Variants in PHKB observed in about 807,000 individuals in gnomAD.
PHKB encodes phosphorylase kinase regulatory subunit beta, also known as phosphorylase b kinase regulatory subunit beta.
PHKB carries 122 observed loss-of-function variants against 152.1 expected under a neutral mutation model. The ratio of observed to expected loss-of-function variants is 0.80; its 90% CI spans 0.69 to 0.93. The LOEUF is 0.93. Among genes scored for constraint, PHKB ranks in the 40% least tolerant of loss-of-function variants. PHKB has a pLI of 0.00. For missense variants in PHKB, 1,304 were observed against 1,328.4 expected, an observed-to-expected ratio of 0.98 and a Z score of 0.29; for synonymous variants, 436 against 464.9, an observed-to-expected ratio of 0.94 and a Z score of 0.80.
chr16:47,556,422 T>G (rs554336155), intron 7 of PHKB, among the ~76,000 whole-genome samples: 1 of 152,360 alleles, frequency 6.6e-6, no homozygotes, highest in East Asian at 1.9e-4. Flanking sequence ...AGATAGCTCT[T>G]ATTATTTTGA....
intron 1 of PHKB, among the ~76,000 whole-genome samples, chr16:47,481,117 A>G (rs1439331657): frequency 6.6e-6 from 1 of 152,164 alleles, no homozygotes; most frequent in East Asian, 1.9e-4. Context: ...TGTCTCCCAC[A>G]GAGACAGCAT....
At chr16:47,634,999 G>T (rs1045243321) in intron 14 of PHKB, among the ~76,000 whole-genome samples, 1 of 152,130 alleles carries the variant, frequency 6.6e-6, no homozygotes, top group East Asian at 1.9e-4. Flanking sequence ...GCTGTGAATG[G>T]GTGGGATGGG....
chr16:47,514,042 T>C (rs1202579751), intron 5 of PHKB, among the ~76,000 whole-genome samples: 1 of 152,210 alleles, frequency 6.6e-6, no homozygotes, highest in Non-Finnish European at 1.5e-5. Flanking sequence ...CCCCCAGCTC[T>C]AGGCAGCAAC....
intron 10 of PHKB, 74 bp downstream of exon 10, chr16:47,589,176 G>T: frequency 8.9e-7 from 1 of 1,123,354 alleles, no homozygotes; most frequent in Non-Finnish European, 1.3e-6. Context: ...TGACCATTGG[G>T]TTTGAATTCT....
intron 26 of PHKB, among the ~76,000 whole-genome samples, chr16:47,674,196 T>C (rs1348412307): frequency 1.3e-5 from 2 of 151,754 alleles, no homozygotes; most frequent in Non-Finnish European, 2.9e-5. Flanking sequence ...GCCTCCAATC[T>C]AGGATCAGTA....
intron 29 of PHKB, among the ~76,000 whole-genome samples, chr16:47,698,220 C>T (rs1026942141): frequency 6.6e-5 from 10 of 152,052 alleles, no homozygotes; most frequent in Non-Finnish European, 1.3e-4. Flanking sequence ...TTTTATTTAA[C>T]TGATGAAAAA....
At chr16:47,565,882 T>C in intron 7 of PHKB, 1 of 1,187,972 alleles carries the variant, frequency 8.4e-7, no homozygotes, top group Non-Finnish European at 1.2e-6. Context: ...TTATCTTCCT[T>C]AGGAGTACTC....
At chr16:47,480,063 C>G (rs970003843) in intron 1 of PHKB, among the ~76,000 whole-genome samples, 10 of 152,150 alleles carry the variant, frequency 6.6e-5, no homozygotes, top group African/African-American at 2.4e-4. Context: ...CATCTCCTGT[C>G]TCATCTGTTT....
At chr16:47,668,824 T>C (rs1973585348) in intron 25 of PHKB, among the ~76,000 whole-genome samples, 1 of 152,222 alleles carries the variant, frequency 6.6e-6, no homozygotes, top group Non-Finnish European at 1.5e-5. Context: ...AAAAAGTTTA[T>C]CTCTCAAATA....
At chr16:47,686,502 T>C (rs959740581) in intron 26 of PHKB, among the ~76,000 whole-genome samples, 5 of 152,204 alleles carry the variant, frequency 3.3e-5, no homozygotes, top group African/African-American at 1.2e-4. Context: ...TTTATAGACA[T>C]TATTTGTTCC....
chr16:47,525,649 A>G (rs1970753482), intron 6 of PHKB, among the ~76,000 whole-genome samples: 1 of 152,196 alleles, frequency 6.6e-6, no homozygotes, highest in Non-Finnish European at 1.5e-5. Flanking sequence ...ATGAGCTTTA[A>G]GGATTTTTTT....
rs539789388 is a variant in PHKB at position 47,644,382 on chromosome 16, C to A, written c.1608+2690C>A. 3.3e-5 allele frequency among the ~76,000 whole-genome samples: 5 copies of A among 152,254 alleles called. No individual in the cohort carries two copies. In the South Asian group the frequency reaches 1.0e-3, roughly 32 times the overall value. On this transcript the variant is annotated intron_variant, in intron 16 of 30. Coordinates refer to ENST00000323584, the MANE Select transcript of PHKB (RefSeq NM_000293.3). ...TCATCTATCAAGTATTTCCTGAGCA[C>A]CAGCTACATACTAGGCACAGTGCCA...
intron 1 of PHKB, chr16:47,462,184 C>A (rs1477617568): frequency 6.6e-6 from 1 of 152,138 alleles, no homozygotes; most frequent in African/African-American, 2.4e-5. Flanking sequence ...TAATCTTGAA[C>A]AAAAGGCATG....
chr16:47,519,741 C>T (rs1597050993), intron 6 of PHKB, among the ~76,000 whole-genome samples: 1 of 152,166 alleles, frequency 6.6e-6, no homozygotes, highest in East Asian at 1.9e-4. Flanking sequence ...GCAGGATTTA[C>T]ACAAGGGCTT....
At chr16:47,477,412 G>A (rs9328592) in intron 1 of PHKB, among the ~76,000 whole-genome samples, 17,795 of 152,086 alleles carry the variant, frequency 0.12, 2,276 homozygotes, top group African/African-American at 0.32. Context: ...GATTAGTACA[G>A]TTTTGGTTCA....
intron 7 of PHKB, among the ~76,000 whole-genome samples, chr16:47,569,776 C>G (rs764476147): frequency 6.6e-6 from 1 of 152,142 alleles, no homozygotes; most frequent in Non-Finnish European, 1.5e-5. Context: ...TGCACGCCAC[C>G]ACGCCTGGCT....
chr16:47,565,291 G>C (rs1365983129), intron 7 of PHKB: 5 of 736,318 alleles, frequency 6.8e-6, no homozygotes. Context: ...CATGGCTAGA[G>C]TTCCCAGTTT....
chr16:47,463,470 T>G (rs981590874), intron 1 of PHKB: 2 of 170,588 alleles, frequency 1.2e-5, no homozygotes, highest in Non-Finnish European at 2.5e-5. Context: ...ATAACTCGAG[T>G]TAATAACTTC....
At chr16:47,688,142 C>T (rs1241581114) in intron 26 of PHKB, among the ~76,000 whole-genome samples, 1 of 152,160 alleles carries the variant, frequency 6.6e-6, no homozygotes, top group Non-Finnish European at 1.5e-5. Context: ...TGCATTCTTT[C>T]CAGATGCTCA....
Sources: allele counts gnomAD v4.1 joint callset (sites outside exome capture counted in the v4.1 genomes callset), GRCh38; gene constraint gnomAD v4.1.1; transcripts MANE v1.5; gene names NCBI Gene and HGNC (gene_info 2026-07-23, HGNC 2026-07-21).